The following KAZN variants were observed in gnomAD, a reference collection of about 807,000 sequenced individuals.
KAZN encodes the protein kazrin, periplakin interacting protein.
In KAZN, 40 loss-of-function variants were observed where a neutral mutation model predicts 87.4. The ratio of observed to expected loss-of-function variants is 0.46; its 90% CI spans 0.36 to 0.60. The LOEUF (loss-of-function observed/expected upper bound fraction) is 0.60, where lower values mean the gene tolerates loss of function less well. KAZN is among the 20% of genes least tolerant of loss of function. The pLI, the probability that KAZN is intolerant of heterozygous loss-of-function variation, is 0.00. For synonymous variants in KAZN, 466 were observed against 458.3 expected (o/e 1.02, Z -0.22); for missense variants, 898 against 1,073.9 (o/e 0.84, Z 2.29).
chr1:14,883,355 A>AGAGAGAGAGAGAAAG (rs1553150619), intron 1 of KAZN, among the ~76,000 whole-genome samples: 1 of 20,598 alleles, frequency 4.9e-5, no homozygotes, highest in Non-Finnish European at 9.5e-5. Flanking sequence ...AGAAAGAAAG[A>AGAGAGAGAGAGAAAG]AAAGAAAGAA....
chr1:14,301,985 A>G (rs183508924), intron 2 of KAZN, among the ~76,000 whole-genome samples: 1 of 152,262 alleles, frequency 6.6e-6, no homozygotes, highest in Non-Finnish European at 1.5e-5. Flanking sequence ...ACCGCTCCCA[A>G]TTGGACTCTA....
rs1269888204 is a variant in KAZN at position 15,068,201 on chromosome 1, C to T, written c.1222+2448C>T. 5.2e-6 allele frequency: 3 copies of T among 574,706 alleles called. No individual in the cohort carries two copies. The African/African-American group carries it at 6.2e-5, about 12-fold the overall frequency. 35.6% of individuals were successfully genotyped at this position (574,706 alleles called of 1,614,324 possible). A position where few individuals can be genotyped will look rare whatever the true frequency, so the allele number is the denominator to read the frequency against. ...CTTCTATTTGGCTCCGGGTGGGAGGCTCTGCCCCTCTGGGAGGCACAGGCT... is the reference window on the plus strand; with the variant it reads ...CTTCTATTTGGCTCCGGGTGGGAGGTTCTGCCCCTCTGGGAGGCACAGGCT... On this transcript the variant is annotated intron_variant, in intron 8 of 14. Coordinates refer to ENST00000376030, the MANE Select transcript of KAZN (RefSeq NM_201628.3).
chr1:13,924,645 A>G (rs1640202223), intron 1 of KAZN, among the ~76,000 whole-genome samples: 1 of 152,072 alleles, frequency 6.6e-6, no homozygotes, highest in Non-Finnish European at 1.5e-5. Flanking sequence ...GAATACAACC[A>G]TTTGTGTCTT....
intron 2 of KAZN, among the ~76,000 whole-genome samples, chr1:14,366,022 C>G (rs1430758041): frequency 1.3e-5 from 2 of 152,156 alleles, no homozygotes; most frequent in Non-Finnish European, 2.9e-5. Flanking sequence ...ATGTAAATTG[C>G]TTGGAAATAC....
intron 2 of KAZN, among the ~76,000 whole-genome samples, chr1:14,193,811 C>T (rs982253044): frequency 6.6e-6 from 1 of 151,934 alleles, no homozygotes; most frequent in Non-Finnish European, 1.5e-5. Flanking sequence ...GAATGCTGGC[C>T]CTAGAGGTTT....
At chr1:14,770,025 C>T (rs1314841854) in intron 1 of KAZN, among the ~76,000 whole-genome samples, 4 of 152,080 alleles carry the variant, frequency 2.6e-5, no homozygotes, top group African/African-American at 7.2e-5. Flanking sequence ...TGCAAAGGTC[C>T]TGAGGTAGAG....
chr1:14,932,987 C>T (rs1444949129), intron 1 of KAZN, among the ~76,000 whole-genome samples: 3 of 152,148 alleles, frequency 2.0e-5, no homozygotes, highest in Non-Finnish European at 4.4e-5. Context: ...CATCCCTCTC[C>T]CCAGCCCCTG....
intron 2 of KAZN, among the ~76,000 whole-genome samples, chr1:14,329,368 G>C (rs1319113404): frequency 2.0e-5 from 3 of 152,160 alleles, no homozygotes; most frequent in Non-Finnish European, 4.4e-5. Context: ...AGAGAGTGTG[G>C]GCAGAGATAG....
intron 8 of KAZN, among the ~76,000 whole-genome samples, chr1:15,092,073 A>ATTTTTTTTTTTTTTTTTT: frequency 1.3e-5 from 1 of 75,484 alleles, no homozygotes; most frequent in South Asian, 4.6e-4. Context: ...TTTTTTTTTG[A>ATTTTTTTTTTTTTTTTTT]TTTTTTTTTT....
chr1:14,118,005 CT>C (rs1458047923), intron 1 of KAZN, among the ~76,000 whole-genome samples: 1 of 152,214 alleles, frequency 6.6e-6, no homozygotes, highest in African/African-American at 2.4e-5. Flanking sequence ...GCTCACTCTT[CT>C]GCTGCCTCTG....
intron 1 of KAZN, among the ~76,000 whole-genome samples, chr1:14,617,642 T>C (rs1340512451): frequency 6.6e-6 from 1 of 152,178 alleles, no homozygotes; most frequent in African/African-American, 2.4e-5. Context: ...GGGACATACA[T>C]GCTAAGGATT....
Position 14,427,726 on chromosome 1 carries a change from T to A in KAZN, c.250-171257T>A, listed in dbSNP as rs139912648. 1.6e-4 allele frequency among the ~76,000 whole-genome samples: 24 copies of A among 152,276 alleles called. No individual in the cohort carries two copies. The East Asian group carries it at 4.4e-3, about 28-fold the overall frequency. Reference sequence around the variant, plus strand: ...AGAATTTAAGGAGAATGTGGTTGGGTGTGAGTTTGCCGCCCACCAAGCAAG... The same window carrying A: ...AGAATTTAAGGAGAATGTGGTTGGGAGTGAGTTTGCCGCCCACCAAGCAAG... On this transcript the variant is annotated intron_variant, in intron 2 of 16. Coordinates refer to the KAZN transcript ENST00000636203.
intron 2 of KAZN, among the ~76,000 whole-genome samples, chr1:14,269,229 G>GATACAC (rs1397578409): frequency 1.3e-5 from 2 of 152,070 alleles, no homozygotes; most frequent in Admixed American, 1.3e-4. Context: ...TATATAAACA[G>GATACAC]ATACACAATG....
Position 14,278,084 on chromosome 1 carries a change from C to T in KAZN, c.249+97492C>T, listed in dbSNP as rs1006179857. Among the ~76,000 whole-genome samples the T allele has an allele frequency of 5.4e-5, 8 of 148,756 alleles. No individual in the cohort carries two copies. The East Asian group carries it at 8.5e-4, about 16-fold the overall frequency. On this transcript the variant is annotated intron_variant, in intron 2 of 16. Transcript: ENST00000636203. ...ACTCAGGAGGCTGAGGCAGGAGAAT[C>T]GCCTGAATCTGGGAGGCGGAGGTTG...
intron 1 of KAZN, among the ~76,000 whole-genome samples, chr1:14,001,318 G>A (rs1434642912): frequency 6.6e-6 from 1 of 152,014 alleles, no homozygotes; most frequent in East Asian, 1.9e-4. Flanking sequence ...ACTTCTTCAA[G>A]GAGAACTACA....
chr1:14,042,030 G>T (rs1237867277), intron 1 of KAZN, among the ~76,000 whole-genome samples: 2 of 152,124 alleles, frequency 1.3e-5, no homozygotes, highest in African/African-American at 4.8e-5. Flanking sequence ...ATGGGTCTTA[G>T]TGTGGGTTGG....
Position 13,952,882 on chromosome 1 carries a change from G to C in KAZN, c.91+59126G>C, listed in dbSNP as rs569038842. The stretch of plus-strand genomic sequence containing the variant: ...CTCCACTTAGTCGCCTTTAAAATGA[G>C]GAAACTGAACCAGAGTTCTCTATGA... On this transcript the variant is annotated intron_variant, in intron 1 of 16. Transcript: ENST00000636203. Among the ~76,000 whole-genome samples the C allele has an allele frequency of 1.3e-4, 20 of 152,240 alleles. 1 individual carries two copies. The South Asian group carries it at 4.1e-3, about 32-fold the overall frequency.
intron 1 of KAZN, among the ~76,000 whole-genome samples, chr1:13,954,632 G>A (rs1641474197): frequency 6.6e-6 from 1 of 152,164 alleles, no homozygotes; most frequent in Non-Finnish European, 1.5e-5. Context: ...TGTAGAAAAT[G>A]AATGTGAACA....
intron 8 of KAZN, among the ~76,000 whole-genome samples, chr1:15,075,026 G>T (rs1639676130): frequency 6.6e-6 from 1 of 152,192 alleles, no homozygotes; most frequent in Non-Finnish European, 1.5e-5. Flanking sequence ...GTACAGATGA[G>T]AAGACTGAGG....
Sources: gnomAD v4.1 joint callset for allele counts (sites outside exome capture counted in the v4.1 genomes callset) on GRCh38, gnomAD v4.1.1 for gene constraint, MANE v1.5 for transcripts, NCBI Gene and HGNC (gene_info 2026-07-23, HGNC 2026-07-21) for gene names.